Variants in SPICE1 observed in about 807,000 individuals in gnomAD.
SPICE1 encodes spindle and centriole-associated protein 1.
Under a neutral mutation model 102.7 loss-of-function variants are expected in SPICE1, and 75 were observed. That is an observed-to-expected ratio of 0.73 (90% confidence interval 0.61 to 0.88). SPICE1 has a LOEUF of 0.88. Among genes scored for constraint, SPICE1 ranks in the 40% least tolerant of loss-of-function variants. The pLI, the probability that SPICE1 is intolerant of heterozygous loss-of-function variation, is 0.00. For synonymous variants in SPICE1, 308 were observed against 350.3 expected (o/e 0.88, Z 1.35); for missense variants, 979 against 1,020.1 (o/e 0.96, Z 0.55).
At chr3:113,497,882 T>C (rs927493370) in intron 4 of SPICE1, among the ~76,000 whole-genome samples, 3 of 150,142 alleles carry the variant, frequency 2.0e-5, no homozygotes, top group Admixed American at 1.3e-4. Context: ...TTTAGGGCTT[T>C]TTTTTTTTTT....
Position 113,493,235 on chromosome 3 carries a change from T to C in SPICE1, c.463A>G (p.Ile155Val), listed in dbSNP as rs375102933. 46 of 1,610,776 alleles carry C rather than the reference T, an allele frequency of 2.9e-5. No individual in the cohort carries two copies. Among genetic ancestry groups the C allele is most frequent in the East Asian group, 1.1e-4 (5 of 44,828 alleles). Residue 155 changes from isoleucine (I) to valine (V), a missense_variant, in exon 6 of 18, where the codon ATC becomes GTC. Physicochemically the swap from Ile to Val is conservative, Grantham distance 29. Coordinates refer to ENST00000295872, the MANE Select transcript of SPICE1 (RefSeq NM_144718.4). ...GGTTCTATGACAGACTCATTAAAGA[T>C]AGATTGGGTGATAGGGTCTTGATTT... ...VVNQDPITQS[I>V]FNESVIEPQA...
At chr3:113,469,443 A>G (rs1321674821) in intron 7 of SPICE1, among the ~76,000 whole-genome samples, 1 of 146,168 alleles carries the variant, frequency 6.8e-6, no homozygotes, top group East Asian at 1.9e-4. Flanking sequence ...TATATAATTA[A>G]TTATATATAA....
chr3:113,479,410 A>G (rs1005291325), intron 7 of SPICE1, among the ~76,000 whole-genome samples: 3 of 151,720 alleles, frequency 2.0e-5, no homozygotes, highest in African/African-American at 7.3e-5. Context: ...AGTCTTTGCT[A>G]TTGTGAATAG....
At chr3:113,465,179 G>GT (rs1936023872) in intron 11 of SPICE1, among the ~76,000 whole-genome samples, 1 of 152,060 alleles carries the variant, frequency 6.6e-6, no homozygotes, top group Non-Finnish European at 1.5e-5. Flanking sequence ...AGAGAATGGT[G>GT]TAAGTCTTTT....
rs1935525170 is a variant in SPICE1, at chr3:113,446,776, T to G, written c.2427-100A>C. 5.4e-6 allele frequency: 5 copies of G among 924,776 alleles called. No homozygotes were observed. The Admixed American group carries it at 8.1e-5, about 15-fold the overall frequency. 57.3% of individuals were successfully genotyped at this position (924,776 alleles called of 1,614,324 possible). On this transcript the variant is annotated intron_variant, in intron 16 of 17. Transcript: ENST00000295872. ...ACAATTCTCAATACTGGCAAGAGCT[T>G]GAAAACATATGGCTAACTTAGGTCC... is the stretch of plus-strand genomic sequence containing the variant.
chr3:113,497,827 T>C (rs913568075), intron 4 of SPICE1, among the ~76,000 whole-genome samples: 3 of 148,514 alleles, frequency 2.0e-5, no homozygotes, highest in Non-Finnish European at 4.5e-5. Context: ...CTCAGCCTCC[T>C]GAGTAGCTGG....
rs188418861 is a variant in SPICE1, at chr3:113,462,818, T to G, written c.1288-2054A>C. On this transcript the variant is annotated intron_variant, in intron 11 of 17. Coordinates refer to ENST00000295872, the MANE Select transcript of SPICE1 (RefSeq NM_144718.4). ...GTTTCAACACAGCCCAGAGTGATCC[T>G]CTTAAACCCAAGACAAATCACGTCT... Among the ~76,000 whole-genome samples the G allele has an allele frequency of 1.7e-4, 26 of 152,152 alleles. 1 individual carries two copies. In the East Asian group the frequency reaches 5.0e-3, roughly 29 times the overall value.
intron 7 of SPICE1, among the ~76,000 whole-genome samples, chr3:113,488,212 C>A (rs1428214646): frequency 1.3e-5 from 2 of 152,142 alleles, no homozygotes; most frequent in Admixed American, 1.3e-4. Context: ...GTGATTTTAT[C>A]TGAATGAATG....
In SPICE1 at chr3:113,465,731, T is replaced by C. The variant is rs1354691994; in HGVS notation, c.1209A>G (p.Val403=). Residue 403 remains valine (V), a synonymous_variant, in exon 11 of 18, where the codon GTA becomes GTG. Coordinates refer to ENST00000295872, the MANE Select transcript of SPICE1 (RefSeq NM_144718.4). The stretch of plus-strand genomic sequence containing the variant: ...CAATGAGCTCTCGATGATCACCTAA[T>C]ACTTGTTCCAGTTGTTGCCTTGTCT... ...EVETRQQLEQ[V]LGDHRELIDA... The C allele has an allele frequency of 6.2e-7, 1 of 1,613,978 alleles. No homozygotes were observed. The highest frequency in any genetic ancestry group is 1.1e-5 in the South Asian group (1 of 91,072).
rs61506451 is a variant in SPICE1, at chr3:113,486,156, C to CATATATATATATATAT, written c.611+2773_611+2788dup. On this transcript the variant is annotated intron_variant, in intron 7 of 17. Transcript: ENST00000295872. ...AAATACTGAAAATAACCTAAATGACCATATATATATATATATAGTATATCA... is the reference window on the plus strand; with the variant it reads ...AAATACTGAAAATAACCTAAATGACCATATATATATATATATATATATATATATATATAGTATATCA... Among the ~76,000 whole-genome samples, 975 of 141,890 alleles carry CATATATATATATATAT rather than the reference C, an allele frequency of 6.9e-3. 5 individuals carry two copies. Among genetic ancestry groups the CATATATATATATATAT allele is most frequent in the East Asian group, 0.018 (84 of 4,704 alleles). 93.1% of individuals were successfully genotyped at this position (141,890 alleles called of 152,430 possible). A position where few individuals can be genotyped will look rare whatever the true frequency, so the allele number is the denominator to read the frequency against.
chr3:113,450,277 A>C, intron 15 of SPICE1, 59 bp downstream of exon 15: 5 of 1,605,906 alleles, frequency 3.1e-6, no homozygotes, highest in Non-Finnish European at 4.3e-6. Context: ...AACTTGCAAA[A>C]TCAAGAAAAC....
chr3:113,455,493 G>A (rs1490377988), intron 13 of SPICE1, among the ~76,000 whole-genome samples: 3 of 152,040 alleles, frequency 2.0e-5, no homozygotes, highest in Non-Finnish European at 4.4e-5. Context: ...CACATATCAG[G>A]TGCTCACTAG....
intron 7 of SPICE1, among the ~76,000 whole-genome samples, chr3:113,478,726 A>G (rs1253328272): frequency 6.6e-6 from 1 of 152,220 alleles, no homozygotes; most frequent in Non-Finnish European, 1.5e-5. Flanking sequence ...AAAGTATTCA[A>G]CAATATAATC....
rs397874895 is a variant in SPICE1 at position 113,450,525 on chromosome 3, GA to G, written c.2143-10del. On this transcript the variant is annotated splice_polypyrimidine_tract_variant and intron_variant, in intron 14 of 17. Transcript: ENST00000295872. The stretch of plus-strand genomic sequence containing the variant: ...TGTGCTACTGGAAAAGTCTTTGGGA[GA>G]AAAAAAAAAAAAGTACAAATTGAAT... 92,251 of 1,051,680 alleles carry G rather than the reference GA, an allele frequency of 0.088. 10 individuals carry two copies. The highest frequency in any genetic ancestry group is 0.12 in the South Asian group (6,590 of 56,522). 65.1% of individuals were successfully genotyped at this position (1,051,680 alleles called of 1,614,324 possible). A position where few individuals can be genotyped will look rare whatever the true frequency, so the allele number is the denominator to read the frequency against.
chr3:113,486,994 T>A (rs1212247091), intron 7 of SPICE1, among the ~76,000 whole-genome samples: 1 of 151,672 alleles, frequency 6.6e-6, no homozygotes, highest in Admixed American at 6.6e-5. Flanking sequence ...GGATAGGGGA[T>A]GGTGACTGAC....
chr3:113,445,865 A>G (rs1453467198), intron 17 of SPICE1, among the ~76,000 whole-genome samples: 1 of 152,190 alleles, frequency 6.6e-6, no homozygotes, highest in Non-Finnish European at 1.5e-5. Flanking sequence ...TGATCTAATT[A>G]CTGAACTCAG....
intron 13 of SPICE1, among the ~76,000 whole-genome samples, chr3:113,454,606 C>T (rs1935738783): frequency 6.6e-6 from 1 of 151,998 alleles, no homozygotes; most frequent in South Asian, 2.1e-4. Flanking sequence ...ATCCCAGCTA[C>T]TCAGGAGGCT....
chr3:113,452,088 C>CTT (rs1257706295), intron 14 of SPICE1, among the ~76,000 whole-genome samples: 2 of 152,164 alleles, frequency 1.3e-5, no homozygotes, highest in African/African-American at 4.8e-5. Flanking sequence ...ATTTGGAGCT[C>CTT]TTTTATAAAC....
chr3:113,498,643 T>C (rs775915856), intron 4 of SPICE1, among the ~76,000 whole-genome samples: 5 of 152,238 alleles, frequency 3.3e-5, no homozygotes, highest in Non-Finnish European at 5.9e-5. Flanking sequence ...AGACTGAGAC[T>C]TTATTTCAAT....
Sources: allele counts gnomAD v4.1 joint callset (sites outside exome capture counted in the v4.1 genomes callset), GRCh38; gene constraint gnomAD v4.1.1; transcripts MANE v1.5; gene names NCBI Gene and HGNC (gene_info 2026-07-23, HGNC 2026-07-21).